Variants in CHSY3 observed in about 807,000 individuals in gnomAD.
CHSY3 encodes the protein chondroitin sulfate synthase 3.
Under a neutral mutation model 67.2 loss-of-function variants are expected in CHSY3, and 35 were observed. The observed-to-expected ratio is 0.52, with a 90% CI of 0.40 to 0.69. The LOEUF (loss-of-function observed/expected upper bound fraction) is 0.69. CHSY3 is among the 30% of genes least tolerant of loss of function. The pLI is 0.00. For missense variants in CHSY3, 1,069 were observed against 1,138.5 expected, an observed-to-expected ratio of 0.94 and a Z score of 0.88; for synonymous variants, 474 against 434.7, an observed-to-expected ratio of 1.09 and a Z score of -1.12.
At chr5:130,125,061 G>T (rs907940673) in intron 2 of CHSY3, among the ~76,000 whole-genome samples, 1 of 152,146 alleles carries the variant, frequency 6.6e-6, no homozygotes, top group African/African-American at 2.4e-5. Context: ...GGGGAGAATT[G>T]CTTGAGCTCG....
At chr5:129,981,857 A>G (rs58938672) in intron 2 of CHSY3, among the ~76,000 whole-genome samples, 4,985 of 152,254 alleles carry the variant, frequency 0.033, 267 homozygotes, top group African/African-American at 0.11. Flanking sequence ...TTCTTTATCA[A>G]GTACAGTAAG....
chr5:130,043,304 A>G (rs995955758), intron 2 of CHSY3, among the ~76,000 whole-genome samples: 3 of 151,950 alleles, frequency 2.0e-5, no homozygotes, highest in South Asian at 2.1e-4. Context: ...ATAAATATAT[A>G]TTGTTAAAGA....
chr5:129,928,036 T>C (rs1689660760), intron 2 of CHSY3, among the ~76,000 whole-genome samples: 1 of 152,004 alleles, frequency 6.6e-6, no homozygotes, highest in South Asian at 2.1e-4. Flanking sequence ...ATTATGAAAA[T>C]ACATTTTTAA....
chr5:130,184,395 G>T lies in CHSY3; in HGVS notation c.1253G>T (p.Arg418Leu). 6.2e-7 allele frequency: 1 copy of T among 1,613,760 alleles called. No homozygotes were observed. Among genetic ancestry groups the T allele is most frequent in the Non-Finnish European group, 8.5e-7 (1 of 1,179,756 alleles). The part of the protein sequence containing the change: ...YMLSRKISEL[R>L]YRTIQLHRES... ...CTCAGCCGCAAAATTTCTGAACTTC[G>T]CTACCGCACCATCCAGCTCCACAGG... Residue 418 changes from arginine (R) to leucine (L), a missense_variant, in exon 3 of 3, where the codon CGC (arginine) becomes CTC (leucine). Coordinates refer to ENST00000305031, the MANE Select transcript of CHSY3 (RefSeq NM_175856.5).
At chr5:129,959,155 T>G (rs1762261072) in intron 2 of CHSY3, among the ~76,000 whole-genome samples, 1 of 152,146 alleles carries the variant, frequency 6.6e-6, no homozygotes, top group African/African-American at 2.4e-5. Context: ...TAGTTACTGC[T>G]AGACATTAAT....
At chr5:130,169,805 G>A (rs927403260) in intron 2 of CHSY3, among the ~76,000 whole-genome samples, 1 of 151,888 alleles carries the variant, frequency 6.6e-6, no homozygotes, top group East Asian at 1.9e-4. Context: ...TGAAACATAT[G>A]AATTAGAAAG....
chr5:130,154,582 T>C (rs533187248), intron 2 of CHSY3, among the ~76,000 whole-genome samples: 144 of 152,356 alleles, frequency 9.5e-4, no homozygotes, highest in African/African-American at 3.4e-3. Context: ...TTCATATGTG[T>C]CTAGACATTA....
At chr5:130,105,280 A>G (rs1055972879) in intron 2 of CHSY3, among the ~76,000 whole-genome samples, 4 of 151,722 alleles carry the variant, frequency 2.6e-5, no homozygotes, top group Admixed American at 2.0e-4. Flanking sequence ...TTGATTTTCA[A>G]TATCTAATGT....
chr5:129,938,785 T>C (rs538802316), intron 2 of CHSY3, among the ~76,000 whole-genome samples: 2 of 152,322 alleles, frequency 1.3e-5, no homozygotes, highest in African/African-American at 4.8e-5. Context: ...CTATCAGCAT[T>C]TGATCACAAT....
intron 2 of CHSY3, among the ~76,000 whole-genome samples, chr5:130,024,914 A>C (rs1764496720): frequency 6.6e-6 from 1 of 152,154 alleles, no homozygotes; most frequent in Admixed American, 6.6e-5. Flanking sequence ...TTAATGTTGC[A>C]CAGGATCAAA....
chr5:129,946,929 A>G (rs1761873284), intron 2 of CHSY3, among the ~76,000 whole-genome samples: 1 of 152,206 alleles, frequency 6.6e-6, no homozygotes, highest in Non-Finnish European at 1.5e-5. Flanking sequence ...TTTCCCTTGG[A>G]TACATACCCA....
intron 2 of CHSY3, among the ~76,000 whole-genome samples, chr5:129,968,440 T>C (rs1686875173): frequency 6.6e-6 from 1 of 151,844 alleles, no homozygotes; most frequent in South Asian, 2.1e-4. Flanking sequence ...CAAACATATA[T>C]TGAATATTGA....
chr5:129,994,910 TG>T (rs1263831622), intron 2 of CHSY3, among the ~76,000 whole-genome samples: 2 of 62,686 alleles, frequency 3.2e-5, no homozygotes, highest in Non-Finnish European at 3.3e-5. Context: ...GGTGGGGGGA[TG>T]GGGGAGGGAT....
At chr5:130,091,654 A>G (rs1766884710) in intron 2 of CHSY3, among the ~76,000 whole-genome samples, 1 of 152,210 alleles carries the variant, frequency 6.6e-6, no homozygotes. Flanking sequence ...TAAAGTTAAT[A>G]GGACCATCAT....
intron 2 of CHSY3, among the ~76,000 whole-genome samples, chr5:129,939,138 T>G (rs1761614632): frequency 6.6e-6 from 1 of 152,194 alleles, no homozygotes; most frequent in South Asian, 2.1e-4. Context: ...CTTCTCATGC[T>G]GTCAGGAAAG....
At position 129,905,235 on chromosome 5, in the gene CHSY3, G is replaced by A; in HGVS notation, c.406G>A (p.Glu136Lys). 1 of 1,489,688 alleles carries A rather than the reference G, an allele frequency of 6.7e-7. No individual in the cohort carries two copies. Among genetic ancestry groups the A allele is most frequent in the Non-Finnish European group, 8.9e-7 (1 of 1,126,582 alleles). The allele number at this position is 1,489,688 out of a possible 1,614,324, so 92.3% of individuals were successfully genotyped here. ...TCCAGCGGCCGAGGGGGAGCCCGAG[G>A]AGGAGGACGGGGGCGCGGCTGGGCA... The part of the protein sequence containing the change: ...GAPAAEGEPE[E>K]EDGGAAGQRR... The change falls in exon 1 of 3, where the codon GAG becomes AAG. Residue 136 changes from glutamate to lysine, a missense_variant. By Grantham distance (56) the Glu-to-Lys change is moderately conservative. Transcript: ENST00000305031.
At chr5:130,122,815 A>G (rs1341003087) in intron 2 of CHSY3, among the ~76,000 whole-genome samples, 1 of 152,194 alleles carries the variant, frequency 6.6e-6, no homozygotes, top group East Asian at 1.9e-4. Flanking sequence ...GTCATTTATA[A>G]ATGTTCTTTC....
chr5:130,184,603 C>T lies in CHSY3; in HGVS notation c.1461C>T (p.Leu487=), dbSNP rs1475580817. 8.1e-6 allele frequency: 13 copies of T among 1,611,832 alleles called. No homozygotes were observed. The highest frequency in any genetic ancestry group is 1.3e-5 in the African/African-American group (1 of 74,882). ...AGAACCAGCCCCCTCGACAGAGCCTCAGTAGCATTTTAAGAACAGCACTGG... is the reference window on the plus strand; with the variant it reads ...AGAACCAGCCCCCTCGACAGAGCCTTAGTAGCATTTTAAGAACAGCACTGG... ...AAENQPPRQS[L]SSILRTALDD... Residue 487 remains leucine, a synonymous_variant, in exon 3 of 3, where the codon CTC becomes CTT. Transcript: ENST00000305031.
rs547472214 is a variant in CHSY3 at position 130,062,509 on chromosome 5, C to T, written c.1087-121720C>T. On this transcript the variant is annotated intron_variant, in intron 2 of 2. Transcript: ENST00000305031. ...CTAATCTCTATCAGTACGCAATATACGCATGTAACAAGCAAGCACATGTAC... is the reference window on the plus strand; with the variant it reads ...CTAATCTCTATCAGTACGCAATATATGCATGTAACAAGCAAGCACATGTAC... 4.6e-5 allele frequency among the ~76,000 whole-genome samples: 7 copies of T among 152,102 alleles called. No homozygotes were observed. The East Asian group carries it at 9.7e-4, about 21-fold the overall frequency.
Sources: allele counts gnomAD v4.1 joint callset (sites outside exome capture counted in the v4.1 genomes callset), GRCh38; gene constraint gnomAD v4.1.1; transcripts MANE v1.5; gene names NCBI Gene and HGNC (gene_info 2026-07-23, HGNC 2026-07-21).